Variants in SGCD observed in about 807,000 individuals in gnomAD.
SGCD encodes sarcoglycan delta, also known as delta-sarcoglycan.
Under a neutral mutation model 36.6 loss-of-function variants are expected in SGCD, and 18 were observed. The ratio of observed to expected loss-of-function variants is 0.49; its 90% confidence interval spans 0.34 to 0.73. SGCD has a LOEUF of 0.73. Ranked by LOEUF, SGCD falls within the 30% of genes least tolerant of loss-of-function variation. SGCD has a pLI of 0.01. For synonymous variants in SGCD, 133 were observed against 130.6 expected (o/e 1.02, Z -0.12); for missense variants, 387 against 346.7 (o/e 1.12, Z -0.92).
At chr5:155,898,990 C>G (rs896975562) in intron 1 of SGCD, among the ~76,000 whole-genome samples, 18 of 152,102 alleles carry the variant, frequency 1.2e-4, no homozygotes, top group African/African-American at 4.3e-4. Flanking sequence ...GCATTCTAGG[C>G]AGAGAGACAT....
intron 3 of SGCD, among the ~76,000 whole-genome samples, chr5:156,190,668 A>C (rs1763868308): frequency 6.6e-6 from 1 of 152,132 alleles, no homozygotes; most frequent in African/African-American, 2.4e-5. Flanking sequence ...AAAAATAATA[A>C]TCGTAATTAC....
the SGCD span, among the ~76,000 whole-genome samples, chr5:155,758,550 G>A: frequency 6.6e-6 from 1 of 152,224 alleles, no homozygotes; most frequent in Non-Finnish European, 1.5e-5. Context: ...CACAGCAGGA[G>A]GTGAGTGATA....
At chr5:156,606,266 C>G (rs909642457) in intron 6 of SGCD, among the ~76,000 whole-genome samples, 2 of 152,230 alleles carry the variant, frequency 1.3e-5, no homozygotes, top group Non-Finnish European at 2.9e-5. Flanking sequence ...CTACACATGG[C>G]TAGCCAGTTT....
intron 1 of SGCD, among the ~76,000 whole-genome samples, chr5:155,872,535 C>A (rs1755677017): frequency 6.6e-6 from 1 of 152,148 alleles, no homozygotes; most frequent in African/African-American, 2.4e-5. Context: ...GAATAGAATT[C>A]TTTCCCAGAA....
intron 7 of SGCD, among the ~76,000 whole-genome samples, chr5:156,653,385 G>A (rs931036758): frequency 1.3e-5 from 2 of 151,150 alleles, no homozygotes; most frequent in African/African-American, 2.4e-5. Flanking sequence ...GTGCATAGAG[G>A]TGTTCATAAT....
chr5:155,762,474 C>A, the SGCD span, among the ~76,000 whole-genome samples: 1 of 152,096 alleles, frequency 6.6e-6, no homozygotes, highest in Non-Finnish European at 1.5e-5. Flanking sequence ...TGCAATGTAC[C>A]TTTGTATGTT....
At chr5:155,988,543 T>G (rs574580589) in intron 1 of SGCD, among the ~76,000 whole-genome samples, 1 of 152,262 alleles carries the variant, frequency 6.6e-6, no homozygotes, top group Admixed American at 6.5e-5. Flanking sequence ...CCAGCCGCAG[T>G]GTATGCTATT....
chr5:156,294,941 T>C (rs1328152121), intron 3 of SGCD, among the ~76,000 whole-genome samples: 1 of 152,186 alleles, frequency 6.6e-6, no homozygotes, highest in Non-Finnish European at 1.5e-5. Flanking sequence ...ATCTGTAGTT[T>C]TATTGTAGTG....
intron 3 of SGCD, among the ~76,000 whole-genome samples, chr5:156,388,279 G>A (rs1022670534): frequency 6.6e-6 from 1 of 152,154 alleles, no homozygotes; most frequent in Non-Finnish European, 1.5e-5. Flanking sequence ...GCCTCCCTAT[G>A]ATAGTTTCCT....
At chr5:156,743,115 T>C (rs1756771353) in intron 7 of SGCD, among the ~76,000 whole-genome samples, 1 of 151,160 alleles carries the variant, frequency 6.6e-6, no homozygotes, top group Admixed American at 6.6e-5. Context: ...CATCTTTTTT[T>C]TTTTTTTTTT....
chr5:156,530,594 T>TC (rs1240418062), intron 4 of SGCD, among the ~76,000 whole-genome samples: 2 of 151,490 alleles, frequency 1.3e-5, no homozygotes, highest in Non-Finnish European at 2.9e-5. Flanking sequence ...TCTTTTTTTT[T>TC]CCTCAGATGG....
intron 3 of SGCD, among the ~76,000 whole-genome samples, chr5:156,346,794 T>A (rs1013495832): frequency 2.1e-4 from 32 of 151,842 alleles, no homozygotes; most frequent in African/African-American, 7.5e-4. Context: ...TTTTTTATTT[T>A]TTTTATTTTT....
chr5:155,989,314 G>A (rs1758388791), intron 1 of SGCD, among the ~76,000 whole-genome samples: 1 of 152,122 alleles, frequency 6.6e-6, no homozygotes, highest in Non-Finnish European at 1.5e-5. Flanking sequence ...TATGGATACT[G>A]AAATTTGAAT....
intron 6 of SGCD, among the ~76,000 whole-genome samples, chr5:156,630,162 C>T (rs1329380959): frequency 6.6e-6 from 1 of 152,124 alleles, no homozygotes; most frequent in East Asian, 1.9e-4. Flanking sequence ...CACGCCTGGC[C>T]CTAAGACCTT....
At chr5:156,189,413 A>G (rs1342515545) in intron 3 of SGCD, among the ~76,000 whole-genome samples, 1 of 152,244 alleles carries the variant, frequency 6.6e-6, no homozygotes, top group Non-Finnish European at 1.5e-5. Context: ...GTCCTGCACA[A>G]ATGTCATGGA....
At chr5:155,757,412 A>C in the SGCD span, among the ~76,000 whole-genome samples, 1 of 152,210 alleles carries the variant, frequency 6.6e-6, no homozygotes, top group East Asian at 1.9e-4. Context: ...TGTTTTGCAT[A>C]TGTAAAACCT....
chr5:156,294,646 A>T (rs1049393529), intron 3 of SGCD, among the ~76,000 whole-genome samples: 5 of 152,028 alleles, frequency 3.3e-5, no homozygotes, highest in Non-Finnish European at 5.9e-5. Flanking sequence ...TGATATTGAG[A>T]TAGTTTCCTT....
intron 3 of SGCD, among the ~76,000 whole-genome samples, chr5:156,405,808 G>A (rs143930486): frequency 1.4e-4 from 21 of 152,144 alleles, no homozygotes; most frequent in African/African-American, 4.8e-4. Flanking sequence ...AGGCCTGGGG[G>A]CAGGACCACA....
chr5:155,862,949 G>A, the SGCD span, among the ~76,000 whole-genome samples: 1 of 152,224 alleles, frequency 6.6e-6, no homozygotes, highest in Admixed American at 6.5e-5. Context: ...CACTGTTGGA[G>A]AGAGAAAATC....
Sources: gnomAD v4.1 joint callset for allele counts (sites outside exome capture counted in the v4.1 genomes callset) on GRCh38, gnomAD v4.1.1 for gene constraint, MANE v1.5 for transcripts, NCBI Gene and HGNC (gene_info 2026-07-23, HGNC 2026-07-21) for gene names.